Variants in CEP128 observed in about 807,000 individuals in gnomAD.
CEP128 encodes the protein centrosomal protein 128kDa.
In CEP128, 132 loss-of-function variants were observed where a neutral mutation model predicts 156.7. That is an observed-to-expected ratio of 0.84 (90% confidence interval 0.73 to 0.97). The LOEUF is 0.97. Among genes scored for constraint, CEP128 ranks in the 50% least tolerant of loss-of-function variants. The pLI is 0.00. For missense variants in CEP128, 1,252 were observed against 1,281.9 expected (o/e 0.98, Z 0.36); for synonymous variants, 469 against 448.9 (o/e 1.04, Z -0.57).
chr14:80,676,664 T>G (rs901440255), intron 19 of CEP128, among the ~76,000 whole-genome samples: 2 of 152,152 alleles, frequency 1.3e-5, no homozygotes, highest in African/African-American at 4.8e-5. Context: ...TAAAAGGATG[T>G]TTCAAAGATT....
chr14:80,824,696 A>G (rs1339481643), intron 13 of CEP128, among the ~76,000 whole-genome samples: 2 of 152,226 alleles, frequency 1.3e-5, no homozygotes, highest in Non-Finnish European at 2.9e-5. Flanking sequence ...TTTATTGTCC[A>G]TAATGCTATC....
chr14:80,851,858 T>C (rs1396491940), intron 9 of CEP128, among the ~76,000 whole-genome samples: 1 of 151,950 alleles, frequency 6.6e-6, no homozygotes, highest in Non-Finnish European at 1.5e-5. Context: ...TTAAGAATGT[T>C]AAAATCAAGA....
intron 19 of CEP128, among the ~76,000 whole-genome samples, chr14:80,700,530 C>A (rs553760967): frequency 4.0e-5 from 6 of 150,756 alleles, no homozygotes; most frequent in Non-Finnish European, 7.4e-5. Context: ...TTGACCCCCC[C>A]CAAAAAAGCC....
intron 19 of CEP128, among the ~76,000 whole-genome samples, chr14:80,690,545 T>C (rs1256926166): frequency 6.6e-6 from 1 of 152,066 alleles, no homozygotes; most frequent in East Asian, 1.9e-4. Flanking sequence ...TCCAGGATAT[T>C]TAAAGAGAAA....
At chr14:80,955,792 A>G in intron 2 of CEP128, 11 of 1,614,228 alleles carry the variant, frequency 6.8e-6, no homozygotes, top group Non-Finnish European at 8.5e-6. Flanking sequence ...GGAGGACTTC[A>G]GAGTCACCTG....
chr14:80,492,981 T>G (rs1242469162), downstream of CEP128, among the ~76,000 whole-genome samples: 2 of 152,156 alleles, frequency 1.3e-5, no homozygotes, highest in East Asian at 3.8e-4. Flanking sequence ...ATATATATAT[T>G]GCTTCAAGCC....
chr14:80,526,686 G>C lies in CEP128; in HGVS notation c.3072+183C>G, dbSNP rs191677905. The C allele has an allele frequency of 2.6e-5, 12 of 454,154 alleles. No homozygotes were observed. In the East Asian group the frequency reaches 4.1e-4, roughly 16 times the overall value. 28.1% of individuals were successfully genotyped at this position (454,154 alleles called of 1,614,324 possible). On this transcript the variant is annotated intron_variant, in intron 23 of 24. Transcript: ENST00000555265. ...AGGCTTACTTCCCAGACAAAATGTG[G>C]TAGGCACAAACTCTGGATTTTTATT...
intron 23 of CEP128, among the ~76,000 whole-genome samples, chr14:80,519,854 A>T (rs1266240853): frequency 6.6e-6 from 1 of 152,164 alleles, no homozygotes; most frequent in Non-Finnish European, 1.5e-5. Flanking sequence ...AACTCAATAA[A>T]TGGTCATATG....
intron 24 of CEP128, among the ~76,000 whole-genome samples, chr14:80,503,897 C>A (rs190655724): frequency 1.3e-5 from 2 of 151,928 alleles, no homozygotes; most frequent in African/African-American, 4.8e-5. Context: ...TATCAGAAAT[C>A]GATAAATATT....
chr14:80,528,633 AG>A (rs1322246137), intron 22 of CEP128, among the ~76,000 whole-genome samples: 1 of 152,204 alleles, frequency 6.6e-6, no homozygotes, highest in Non-Finnish European at 1.5e-5. Flanking sequence ...ACAAGAATAA[AG>A]TCAGGCCTAT....
intron 9 of CEP128, among the ~76,000 whole-genome samples, chr14:80,856,720 C>CTTTTTTTTTT (rs766724436): frequency 4.6e-5 from 3 of 65,158 alleles, no homozygotes; most frequent in African/African-American, 6.3e-5. Context: ...TTTTTCTTTT[C>CTTTTTTTTTT]TTTTTTTTTT....
At chr14:80,774,388 C>T (rs530883323) in intron 16 of CEP128, among the ~76,000 whole-genome samples, 83 of 152,238 alleles carry the variant, frequency 5.5e-4, no homozygotes, top group Non-Finnish European at 9.1e-4. Context: ...AATTAGAAAG[C>T]GTCCACCCCT....
At chr14:80,912,028 C>T (rs1461655369) in intron 4 of CEP128, among the ~76,000 whole-genome samples, 2 of 152,164 alleles carry the variant, frequency 1.3e-5, no homozygotes, top group Non-Finnish European at 2.9e-5. Flanking sequence ...ACCATCCCGA[C>T]CAACATGGTG....
At chr14:80,744,214 AG>A (rs1898981405) in intron 18 of CEP128, among the ~76,000 whole-genome samples, 1 of 152,140 alleles carries the variant, frequency 6.6e-6, no homozygotes, top group Admixed American at 6.5e-5. Flanking sequence ...AAACAAGAAT[AG>A]GAAAAGAAAT....
At chr14:80,545,444 A>G (rs1889940203) in intron 21 of CEP128, among the ~76,000 whole-genome samples, 1 of 152,206 alleles carries the variant, frequency 6.6e-6, no homozygotes. Context: ...TTTGTTTTTA[A>G]CTGTTTATAT....
chr14:80,559,323 A>G (rs1311341625), intron 20 of CEP128, 21 bp from the exon 21 acceptor site: 1 of 1,580,488 alleles, frequency 6.3e-7, no homozygotes, highest in Non-Finnish European at 8.6e-7. Context: ...AGCATAATAT[A>G]TAATTATAAA....
intron 13 of CEP128, among the ~76,000 whole-genome samples, chr14:80,804,003 T>C: frequency 6.6e-6 from 1 of 152,236 alleles, no homozygotes; most frequent in Admixed American, 6.5e-5. Context: ...TACATTTTTA[T>C]ATATTTACAT....
intron 19 of CEP128, among the ~76,000 whole-genome samples, chr14:80,596,389 CAAG>C (rs1566801315): frequency 2.0e-5 from 3 of 151,948 alleles, no homozygotes; most frequent in African/African-American, 7.2e-5. Flanking sequence ...AGAAAACCAT[CAAG>C]AATATGTAGA....
intron 21 of CEP128, among the ~76,000 whole-genome samples, chr14:80,545,285 A>G (rs563430350): frequency 6.6e-6 from 1 of 152,350 alleles, no homozygotes; most frequent in South Asian, 2.1e-4. Context: ...AATGAATGAA[A>G]GGCAATGAGT....
Sources: gnomAD v4.1 joint callset for allele counts (sites outside exome capture counted in the v4.1 genomes callset) on GRCh38, gnomAD v4.1.1 for gene constraint, MANE v1.5 for transcripts, NCBI Gene and HGNC (gene_info 2026-07-23, HGNC 2026-07-21) for gene names.